The following PDE4D variants were observed in gnomAD, a reference collection of about 807,000 sequenced individuals.
The protein encoded by PDE4D is 3',5'-cyclic-AMP phosphodiesterase 4D.
A neutral mutation model predicts 87.4 loss-of-function variants in PDE4D; 24 were observed. That is an observed-to-expected ratio of 0.27 (90% CI 0.20 to 0.39). The LOEUF (loss-of-function observed/expected upper bound fraction) is 0.39. Among genes scored for constraint, PDE4D ranks in the 10% least tolerant of loss-of-function variants. The pLI is 1.00. For missense variants in PDE4D, 714 were observed against 1,041.0 expected, an observed-to-expected ratio of 0.69 and a Z score of 4.32; for synonymous variants, 384 against 383.2, an observed-to-expected ratio of 1.00 and a Z score of -0.02.
chr5:60,113,071 T>A (rs1272835478), intron 2 of PDE4D, among the ~76,000 whole-genome samples: 1 of 152,096 alleles, frequency 6.6e-6, no homozygotes, highest in Non-Finnish European at 1.5e-5. Context: ...AGTCCAGTCA[T>A]GTACTTTTTA....
At chr5:60,442,182 A>G (rs2150135168) in intron 1 of PDE4D, among the ~76,000 whole-genome samples, 1 of 152,292 alleles carries the variant, frequency 6.6e-6, no homozygotes, top group South Asian at 2.1e-4. Flanking sequence ...AAAGACTTGG[A>G]ACCAACCCAA....
intron 3 of PDE4D, among the ~76,000 whole-genome samples, chr5:59,943,803 C>G (rs1159967693): frequency 6.6e-6 from 1 of 152,112 alleles, no homozygotes. Context: ...TTGCAGAATT[C>G]CAAACACTAC....
At chr5:59,371,587 T>C (rs1783949465) in intron 1 of PDE4D, among the ~76,000 whole-genome samples, 1 of 152,222 alleles carries the variant, frequency 6.6e-6, no homozygotes, top group South Asian at 2.1e-4. Flanking sequence ...TACCACACTT[T>C]GTTTAGCTGA....
At chr5:60,000,638 C>T (rs1763932462) in intron 2 of PDE4D, among the ~76,000 whole-genome samples, 1 of 152,004 alleles carries the variant, frequency 6.6e-6, no homozygotes, top group Admixed American at 6.6e-5. Flanking sequence ...AATATTTAGA[C>T]AAATAAAAAT....
At chr5:60,124,603 C>T (rs1477601359) in intron 2 of PDE4D, among the ~76,000 whole-genome samples, 1 of 152,154 alleles carries the variant, frequency 6.6e-6, no homozygotes, top group Non-Finnish European at 1.5e-5. Context: ...TGTTGCATCA[C>T]TAATTTCCTC....
chr5:59,674,774 T>C (rs569851325), intron 1 of PDE4D, among the ~76,000 whole-genome samples: 2 of 152,346 alleles, frequency 1.3e-5, no homozygotes, highest in South Asian at 2.1e-4. Context: ...ATTAATATTC[T>C]GTAACAAGGA....
chr5:60,386,958 A>T (rs78664190), intron 1 of PDE4D, among the ~76,000 whole-genome samples: 2,077 of 152,318 alleles, frequency 0.014, 52 homozygotes, highest in African/African-American at 0.047. Flanking sequence ...CAGTCCATGC[A>T]GACGTGATTG....
intron 1 of PDE4D, among the ~76,000 whole-genome samples, chr5:59,640,858 T>C (rs753945828): frequency 1.3e-5 from 2 of 152,236 alleles, no homozygotes; most frequent in African/African-American, 2.4e-5. Context: ...GAGTGTTCTC[T>C]AAAAATTTAT....
At chr5:60,406,086 G>T in intron 1 of PDE4D, among the ~76,000 whole-genome samples, 1 of 150,452 alleles carries the variant, frequency 6.6e-6, no homozygotes, top group East Asian at 1.9e-4. Context: ...TCTCATCATT[G>T]GAAAAAAAAT....
chr5:59,742,761 T>A (rs769687288), intron 1 of PDE4D, among the ~76,000 whole-genome samples: 1 of 152,190 alleles, frequency 6.6e-6, no homozygotes, highest in East Asian at 1.9e-4. Context: ...TTTGCAAAAA[T>A]AGTCATTCTA....
chr5:59,782,410 G>A (rs1297197690), intron 1 of PDE4D, among the ~76,000 whole-genome samples: 1 of 152,160 alleles, frequency 6.6e-6, no homozygotes, highest in Non-Finnish European at 1.5e-5. Context: ...TACATGTTTG[G>A]TTAAATAATT....
intron 1 of PDE4D, among the ~76,000 whole-genome samples, chr5:59,231,637 T>C (rs1489660792): frequency 6.6e-6 from 1 of 152,184 alleles, no homozygotes; most frequent in Non-Finnish European, 1.5e-5. Context: ...GTCAGCACAA[T>C]AACATTCAAC....
At chr5:59,123,555 C>G (rs1214359028) in intron 5 of PDE4D, among the ~76,000 whole-genome samples, 2 of 152,160 alleles carry the variant, frequency 1.3e-5, no homozygotes, top group African/African-American at 4.8e-5. Flanking sequence ...TGTGACCCCT[C>G]CAGTCCATTT....
rs1362190603 is a variant in PDE4D at position 60,230,183 on chromosome 5, A to T, written c.-89-44496T>A. On this transcript the variant is annotated intron_variant, in intron 1 of 16. Coordinates refer to the PDE4D transcript ENST00000502484. ...TTATGAAAGGCTTAAATTCAATTTT[A>T]AAAAACAATGATTTTAAAGTGAGAA... Among the ~76,000 whole-genome samples, 4 of 150,264 alleles carry T rather than the reference A, an allele frequency of 2.7e-5. No individual in the cohort carries two copies. The East Asian group carries it at 5.8e-4, about 22-fold the overall frequency.
intron 1 of PDE4D, among the ~76,000 whole-genome samples, chr5:60,515,605 T>TTTTC (rs1750764585): frequency 2.4e-5 from 2 of 84,136 alleles, no homozygotes; most frequent in African/African-American, 5.9e-5. Context: ...CTTTTTCTTT[T>TTTTC]TTTTTTTTTT....
chr5:60,437,647 T>C (rs1310529823), intron 1 of PDE4D, among the ~76,000 whole-genome samples: 1 of 152,168 alleles, frequency 6.6e-6, no homozygotes, highest in African/African-American at 2.4e-5. Flanking sequence ...TACTTTATGT[T>C]TATATTAATA....
At chr5:59,387,569 G>A (rs1787344751) in intron 1 of PDE4D, among the ~76,000 whole-genome samples, 1 of 152,046 alleles carries the variant, frequency 6.6e-6, no homozygotes, top group African/African-American at 2.4e-5. Flanking sequence ...GTGGCGTATG[G>A]TTAGGATTCT....
intron 6 of PDE4D, among the ~76,000 whole-genome samples, chr5:59,015,018 G>A (rs2153368968): frequency 6.6e-6 from 1 of 152,232 alleles, no homozygotes; most frequent in African/African-American, 2.4e-5. Context: ...AACAAGAAAT[G>A]GGGAAAGGAT....
chr5:59,868,272 T>A (rs570191479), intron 1 of PDE4D, among the ~76,000 whole-genome samples: 1 of 152,274 alleles, frequency 6.6e-6, no homozygotes, highest in East Asian at 1.9e-4. Flanking sequence ...AATAAATTTA[T>A]TTTCGGTAAA....
Sources: allele counts gnomAD v4.1 joint callset (sites outside exome capture counted in the v4.1 genomes callset), GRCh38; gene constraint gnomAD v4.1.1; transcripts MANE v1.5; gene names NCBI Gene and HGNC (gene_info 2026-07-23, HGNC 2026-07-21).